The following PATL2 variants were observed in gnomAD, a reference collection of about 807,000 sequenced individuals.
PATL2 encodes the protein PAT1 homolog 2.
Under a neutral mutation model 77.0 loss-of-function variants are expected in PATL2, and 73 were observed. The ratio of observed to expected loss-of-function variants is 0.95; its 90% CI spans 0.78 to 1.15. The LOEUF (loss-of-function observed/expected upper bound fraction) is 1.15. Ranked by LOEUF, PATL2 falls within the 50% of genes most tolerant of loss-of-function variation. The pLI is 0.00. For missense variants in PATL2, 618 were observed against 655.4 expected (o/e 0.94, Z 0.62); for synonymous variants, 265 against 257.1 (o/e 1.03, Z -0.29).
At chr15:44,680,384 T>A (rs1191924980) in intron 3 of PATL2, among the ~76,000 whole-genome samples, 1 of 152,106 alleles carries the variant, frequency 6.6e-6, no homozygotes, top group South Asian at 2.1e-4. Context: ...ATCTCTACTC[T>A]CAGCAGTCAA....
At position 44,673,216 on chromosome 15, in the gene PATL2, G is replaced by A; in HGVS notation, c.446+19C>T. On this transcript the variant is annotated intron_variant, in intron 7 of 17. Coordinates refer to ENST00000682850, the MANE Select transcript of PATL2 (RefSeq NM_001387263.1). ...GCCAGCACCTCCTGAGACCTCTGGG[G>A]AGAACCTCAAACCAGTACCTGAACC... 1 of 1,550,636 alleles carries A rather than the reference G, an allele frequency of 6.4e-7. No individual in the cohort carries two copies. The highest frequency in any genetic ancestry group is 1.4e-5 in the African/African-American group (1 of 73,120).
chr15:44,702,556 G>A (rs1003503285), intron 3 of PATL2, among the ~76,000 whole-genome samples: 4 of 151,258 alleles, frequency 2.6e-5, no homozygotes, highest in African/African-American at 9.7e-5. Flanking sequence ...TGCTTTTCTA[G>A]TTCTTTGAAA....
chr15:44,690,433 G>T (rs2086365205), intron 3 of PATL2, among the ~76,000 whole-genome samples: 1 of 151,764 alleles, frequency 6.6e-6, no homozygotes, highest in South Asian at 2.1e-4. Flanking sequence ...CCACCTCCTG[G>T]GCTCAAGTGA....
chr15:44,705,327 C>T (rs532189218), intron 3 of PATL2, among the ~76,000 whole-genome samples: 1 of 152,088 alleles, frequency 6.6e-6, no homozygotes, highest in African/African-American at 2.4e-5. Context: ...GGATTAAAGG[C>T]GCCTGCTGCC....
intron 3 of PATL2, among the ~76,000 whole-genome samples, chr15:44,708,424 GA>G (rs1390990983): frequency 1.1e-4 from 17 of 152,246 alleles, no homozygotes; most frequent in Non-Finnish European, 2.1e-4. Context: ...TCGAACTCTA[GA>G]TAATTAACAT....
intron 3 of PATL2, among the ~76,000 whole-genome samples, chr15:44,681,845 C>T (rs2086140439): frequency 6.6e-6 from 1 of 152,224 alleles, no homozygotes; most frequent in African/African-American, 2.4e-5. Context: ...AGCCCCTTTA[C>T]AATCTGGCCC....
chr15:44,686,064 G>A (rs1033292615), intron 3 of PATL2, among the ~76,000 whole-genome samples: 1 of 152,136 alleles, frequency 6.6e-6, no homozygotes, highest in South Asian at 2.1e-4. Flanking sequence ...GGACCTAATA[G>A]ACATCTACAG....
intron 3 of PATL2, among the ~76,000 whole-genome samples, chr15:44,693,697 GTTT>G (rs1229129404): frequency 2.1e-5 from 3 of 143,938 alleles, no homozygotes; most frequent in African/African-American, 5.1e-5. Context: ...TTCTTTTTCT[GTTT>G]TTTTTTTTTT....
chr15:44,703,697 T>C (rs2141268425), intron 3 of PATL2, among the ~76,000 whole-genome samples: 1 of 150,504 alleles, frequency 6.6e-6, no homozygotes, highest in East Asian at 1.9e-4. Flanking sequence ...GTGTGCTCCT[T>C]GTAGGCAACA....
chr15:44,711,015 C>T lies in PATL2; in HGVS notation c.-254+5G>A, dbSNP rs1385368298. 4.4e-6 allele frequency: 1 copy of T among 226,762 alleles called. No homozygotes were observed. Among genetic ancestry groups the T allele is most frequent in the Non-Finnish European group, 9.1e-6 (1 of 110,280 alleles). The allele number at this position is 226,762 out of a possible 1,614,324, so 14.0% of individuals were successfully genotyped here. ...TCAGGATGCTTTTGGGACTATTTTT[C>T]TTACCCAGAGAATGGAGAAACCCTG... is the stretch of plus-strand genomic sequence containing the variant. On this transcript the variant is annotated splice_donor_5th_base_variant and intron_variant, in intron 1 of 17. Transcript: ENST00000682850.
intron 9 of PATL2, 58 bp downstream of exon 9, chr15:44,671,957 G>T (rs2085703218): frequency 6.5e-7 from 1 of 1,540,508 alleles, no homozygotes; most frequent in East Asian, 2.5e-5. Context: ...AGCGGGCCCG[G>T]GAGTCCAGGC....
In PATL2 at chr15:44,673,164, G is replaced by C. The variant is rs1222985727; in HGVS notation, c.446+71C>G. On this transcript the variant is annotated intron_variant, in intron 7 of 17. Coordinates refer to ENST00000682850, the MANE Select transcript of PATL2 (RefSeq NM_001387263.1). ...TTTTCTGTGTTTCCCTGTGGCAACT[G>C]GTAGGCATGGTCCCCGCCCCTCCTC... 3.3e-6 allele frequency: 5 copies of C among 1,500,038 alleles called. No homozygotes were observed. In the African/African-American group the frequency reaches 7.0e-5, roughly 21 times the overall value. The allele number at this position is 1,500,038 out of a possible 1,614,324, so 92.9% of individuals were successfully genotyped here. A position where few individuals can be genotyped will look rare whatever the true frequency, so the allele number is the denominator to read the frequency against.
In PATL2 at chr15:44,711,217, G is replaced by T; in HGVS notation, c.-451C>A. Reference sequence around the variant, plus strand: ...CATCTCTGGGGCCAGTCTGCAAAGCGAGGGGGCAGCCTTAATGTGCCTCCA... The same window carrying T: ...CATCTCTGGGGCCAGTCTGCAAAGCTAGGGGGCAGCCTTAATGTGCCTCCA... On this transcript the variant is annotated 5_prime_UTR_variant, in exon 1 of 18. Transcript: ENST00000682850. 1 of 512,380 alleles carries T rather than the reference G, an allele frequency of 2.0e-6. No homozygotes were observed. The highest frequency in any genetic ancestry group is 3.6e-6 in the Non-Finnish European group (1 of 280,772). The allele number at this position is 512,380 out of a possible 1,614,324, so 31.7% of individuals were successfully genotyped here.
intron 3 of PATL2, among the ~76,000 whole-genome samples, chr15:44,696,152 T>G (rs1204331527): frequency 1.3e-5 from 2 of 152,228 alleles, no homozygotes; most frequent in East Asian, 3.8e-4. Context: ...TCTGCAGTTT[T>G]AAGTAGGAAC....
intron 3 of PATL2, among the ~76,000 whole-genome samples, chr15:44,691,158 A>G (rs1281210352): frequency 6.6e-6 from 1 of 152,096 alleles, no homozygotes; most frequent in Non-Finnish European, 1.5e-5. Flanking sequence ...CAAAAATGTT[A>G]TTGTTTTTCA....
At chr15:44,690,217 A>G (rs923645935) in intron 3 of PATL2, among the ~76,000 whole-genome samples, 3 of 152,218 alleles carry the variant, frequency 2.0e-5, no homozygotes, top group Non-Finnish European at 2.9e-5. Context: ...TTCTAAATGT[A>G]AAGACGGACC....
intron 11 of PATL2, 76 bp from the exon 12 acceptor site, chr15:44,669,639 A>G: frequency 6.6e-7 from 1 of 1,521,392 alleles, no homozygotes; most frequent in East Asian, 2.5e-5. Flanking sequence ...AACTAGCTAG[A>G]GATTGAGCTG....
Position 44,673,387 on chromosome 15 carries a change from G to T in PATL2, c.304-10C>A, listed in dbSNP as rs763933627. 6.4e-6 allele frequency: 10 copies of T among 1,551,414 alleles called. No individual in the cohort carries two copies. Among genetic ancestry groups the T allele is most frequent in the South Asian group, 1.2e-5 (1 of 84,054 alleles). ...ACAGGTAGTCCAAGGTCTGAGAGAG[G>T]AATTAAGAGGTCTGGGAGAACGCCA... On this transcript the variant is annotated splice_polypyrimidine_tract_variant and intron_variant, in intron 6 of 17. Transcript: ENST00000682850.
At chr15:44,676,691 G>C (rs1392086750) in intron 3 of PATL2, 126 bp from the exon 4 acceptor site, 2 of 1,194,940 alleles carry the variant, frequency 1.7e-6, no homozygotes, top group South Asian at 1.5e-5. Flanking sequence ...CTTGAGGAGA[G>C]AGACCCTGGG....
Sources: gnomAD v4.1 joint callset for allele counts (sites outside exome capture counted in the v4.1 genomes callset) on GRCh38, gnomAD v4.1.1 for gene constraint, MANE v1.5 for transcripts, NCBI Gene and HGNC (gene_info 2026-07-23, HGNC 2026-07-21) for gene names.